Variants in NAXD observed in about 807,000 individuals in gnomAD.
The protein encoded by NAXD is ATP-dependent (S)-NAD(P)H-hydrate dehydratase.
NAXD carries 22 observed loss-of-function variants against 35.8 expected under a neutral mutation model. The observed-to-expected ratio is 0.62, with a 90% confidence interval of 0.44 to 0.88. The LOEUF is 0.88. Ranked by LOEUF, NAXD falls within the 40% of genes least tolerant of loss-of-function variation. The probability of loss-of-function intolerance (pLI) is 0.00; values close to 1 mark genes in which losing one functional copy is unlikely to be tolerated. For missense variants in NAXD, 428 were observed against 437.7 expected, an observed-to-expected ratio of 0.98 and a Z score of 0.20; for synonymous variants, 189 against 177.6, an observed-to-expected ratio of 1.06 and a Z score of -0.51.
At chr13:110,627,028 G>A (rs146560071) in intron 4 of NAXD, among the ~76,000 whole-genome samples, 8 of 152,266 alleles carry the variant, frequency 5.3e-5, no homozygotes, top group East Asian at 1.9e-4. Context: ...CTAACTTGTC[G>A]TAACTGTTGA....
intron 1 of NAXD, among the ~76,000 whole-genome samples, chr13:110,617,299 A>G (rs926627184): frequency 6.6e-6 from 1 of 152,232 alleles, no homozygotes; most frequent in African/African-American, 2.4e-5. Flanking sequence ...TCTTCCCCAG[A>G]CACGCTTCCT....
rs1344862485 is a variant in NAXD, at chr13:110,624,288, A to G, written c.243+9A>G. Reference sequence around the variant, plus strand: ...TCTCAGCTCTCAAAGTGGTATGTTTACTTAAAATTTCTTTATTGGGATTTT... The same window carrying G: ...TCTCAGCTCTCAAAGTGGTATGTTTGCTTAAAATTTCTTTATTGGGATTTT... On this transcript the variant is annotated intron_variant, in intron 3 of 9. Transcript: ENST00000680254. The G allele has an allele frequency of 6.3e-7, 1 of 1,576,384 alleles. No individual in the cohort carries two copies. Among genetic ancestry groups the G allele is most frequent in the Non-Finnish European group, 8.7e-7 (1 of 1,147,448 alleles).
rs550431558 is a variant in NAXD, at chr13:110,638,514, C to T, written c.976C>T (p.Leu326Phe). 1 of 1,612,514 alleles carries T rather than the reference C, an allele frequency of 6.2e-7. No individual in the cohort carries two copies. The highest frequency in any genetic ancestry group is 8.5e-7 in the Non-Finnish European group (1 of 1,179,656). ...CGAGGTGGGGGCCGCCTTCAGCAAG[C>T]TCTTTGAAACCTGAGCCCGCGCAGA... ...IAEVGAAFSK[L>F]FET The change falls in exon 10 of 10, where the codon CTC (leucine) becomes TTC (phenylalanine). Residue 326 changes from leucine (L) to phenylalanine (F), a missense_variant. By Grantham distance (22) the Leu-to-Phe change is conservative. Coordinates refer to ENST00000680254, the MANE Select transcript of NAXD (RefSeq NM_001242882.2). This position sits in a 1 kb window ranked among gnomAD's most constrained non-coding sequence, Gnocchi z 5.4.
chr13:110,629,536 TC>T (rs1399393843), intron 5 of NAXD, among the ~76,000 whole-genome samples: 1 of 152,240 alleles, frequency 6.6e-6, no homozygotes, highest in Non-Finnish European at 1.5e-5. Context: ...ATTCGCCTGT[TC>T]AGGACATTTC....
chr13:110,639,051 G>C lies in NAXD; in HGVS notation c.*523G>C, dbSNP rs116094882. The C allele has an allele frequency of 3.7e-6, 1 of 270,294 alleles. No homozygotes were observed. The highest frequency in any genetic ancestry group is 2.2e-5 in the African/African-American group (1 of 45,248). The allele number at this position is 270,294 out of a possible 1,614,324, so 16.7% of individuals were successfully genotyped here. On this transcript the variant is annotated 3_prime_UTR_variant, in exon 10 of 10. Coordinates refer to ENST00000680254, the MANE Select transcript of NAXD (RefSeq NM_001242882.2). Reference sequence around the variant, plus strand: ...TCTCCAGCTCATCTTCTTTTAAAGTGGTGACTAGCTTGGTGGTATCTGGCT... The same window carrying C: ...TCTCCAGCTCATCTTCTTTTAAAGTCGTGACTAGCTTGGTGGTATCTGGCT...
intron 1 of NAXD, chr13:110,615,852 G>A: frequency 8.4e-7 from 1 of 1,194,370 alleles, no homozygotes; most frequent in Non-Finnish European, 1.1e-6. Flanking sequence ...CGGGGCCGGG[G>A]CGCCGTGTGG....
chr13:110,620,240 A>G lies in NAXD; in HGVS notation c.47-1976A>G, dbSNP rs542306689. Among the ~76,000 whole-genome samples the G allele has an allele frequency of 1.7e-4, 26 of 152,086 alleles. No individual in the cohort carries two copies. In the South Asian group the frequency reaches 5.4e-3, roughly 32 times the overall value. On this transcript the variant is annotated intron_variant, in intron 1 of 9. Transcript: ENST00000680254. ...TGTCTCTCCTTGGCCCACAGTTTAT[A>G]GTGATTCTGTGCCGGGTCTTGTGTG... is the stretch of plus-strand genomic sequence containing the variant.
At chr13:110,618,935 G>C (rs942102241) in intron 1 of NAXD, among the ~76,000 whole-genome samples, 1 of 152,320 alleles carries the variant, frequency 6.6e-6, no homozygotes, top group East Asian at 1.9e-4. Context: ...GAGCAGATGC[G>C]GAGAGGACAA....
At chr13:110,632,644 C>T (rs1428928591) in intron 5 of NAXD, among the ~76,000 whole-genome samples, 14 of 152,204 alleles carry the variant, frequency 9.2e-5, no homozygotes, top group South Asian at 6.3e-4. Context: ...TACAGAGTGT[C>T]GATAGGTGCA....
chr13:110,617,751 T>C (rs1263576393), intron 1 of NAXD, among the ~76,000 whole-genome samples: 1 of 152,246 alleles, frequency 6.6e-6, no homozygotes, highest in Non-Finnish European at 1.5e-5. Flanking sequence ...AATAGTGTCT[T>C]GTGGCCTGGC....
chr13:110,628,137 A>G lies in NAXD; in HGVS notation c.441+590A>G, dbSNP rs1886566320. On this transcript the variant is annotated intron_variant, in intron 5 of 9. Coordinates refer to ENST00000680254, the MANE Select transcript of NAXD (RefSeq NM_001242882.2). This position sits in a 1 kb window ranked among gnomAD's most constrained non-coding sequence, Gnocchi z 4.1. ...CACTTTGTGCCTGCTGTAAATAAATACCACCTGGGATCAGGGGCGATAAAA... is the reference window on the plus strand; with the variant it reads ...CACTTTGTGCCTGCTGTAAATAAATGCCACCTGGGATCAGGGGCGATAAAA... Among the ~76,000 whole-genome samples, 1 of 152,228 alleles carries G rather than the reference A, an allele frequency of 6.6e-6. No individual in the cohort carries two copies. Among genetic ancestry groups the G allele is most frequent in the African/African-American group, 2.4e-5 (1 of 41,464 alleles).
At chr13:110,631,328 TC>T (rs1312076581) in intron 5 of NAXD, among the ~76,000 whole-genome samples, 6 of 152,268 alleles carry the variant, frequency 3.9e-5, no homozygotes, top group African/African-American at 9.6e-5. Context: ...TTCAGCTTTT[TC>T]TTCATGTTAA....
At chr13:110,629,161 T>TG in intron 5 of NAXD, among the ~76,000 whole-genome samples, 1 of 149,114 alleles carries the variant, frequency 6.7e-6, no homozygotes, top group African/African-American at 2.4e-5. Context: ...GGTCATCATC[T>TG]GGTGTAGGCC....
rs1264555940 is a variant in NAXD, at chr13:110,639,609, G to C, written c.*1081G>C. The C allele has an allele frequency of 6.6e-6, 1 of 152,214 alleles. No homozygotes were observed. The highest frequency in any genetic ancestry group is 2.4e-5 in the African/African-American group (1 of 41,430). The allele number at this position is 152,214 out of a possible 1,614,324, so 9.4% of individuals were successfully genotyped here. On this transcript the variant is annotated 3_prime_UTR_variant, in exon 10 of 10. Transcript: ENST00000680254. ...TTTCCTGGAGCGGCCTGACGTTGACGTGTTCTCTGGTCCCATGTCTTAGCG... is the reference window on the plus strand; with the variant it reads ...TTTCCTGGAGCGGCCTGACGTTGACCTGTTCTCTGGTCCCATGTCTTAGCG...
intron 4 of NAXD, 102 bp from the exon 5 acceptor site, chr13:110,627,337 T>A: frequency 1.4e-6 from 1 of 723,250 alleles, no homozygotes; most frequent in Non-Finnish European, 2.3e-6. Flanking sequence ...AAGTCATTAC[T>A]ATTTATAAGT....
chr13:110,620,437 G>C (rs1262387102), intron 1 of NAXD, among the ~76,000 whole-genome samples: 1 of 151,976 alleles, frequency 6.6e-6, no homozygotes, highest in East Asian at 1.9e-4. Context: ...AAAATTAGCT[G>C]GGCGTGGTGG....
chr13:110,619,341 T>C (rs548470694), intron 1 of NAXD, among the ~76,000 whole-genome samples: 3 of 152,356 alleles, frequency 2.0e-5, no homozygotes, highest in African/African-American at 2.4e-5. Flanking sequence ...CTGGAAAATA[T>C]ACAGTATTAT....
chr13:110,635,613 A>G (rs1482562322), intron 8 of NAXD, 25 bp downstream of exon 8: 3 of 1,612,094 alleles, frequency 1.9e-6, no homozygotes, highest in East Asian at 2.2e-5. Flanking sequence ...CCCTCTGTGC[A>G]TGGGCCAGTG....
Position 110,638,323 on chromosome 13 carries a change from C to A in NAXD, c.840-55C>A, listed in dbSNP as rs766889936. Reference sequence around the variant, plus strand: ...AAACCAGAGCCCAGGGTAGCTGCGGCCCCCGGACCACGACGCCCACTTCCC... The same window carrying A: ...AAACCAGAGCCCAGGGTAGCTGCGGACCCCGGACCACGACGCCCACTTCCC... On this transcript the variant is annotated intron_variant, in intron 9 of 9. Transcript: ENST00000680254. The surrounding 1 kb of genome is among the most constrained non-coding windows in gnomAD (Gnocchi z 5.4). The A allele has an allele frequency of 6.2e-7, 1 of 1,611,434 alleles. No individual in the cohort carries two copies. Among genetic ancestry groups the A allele is most frequent in the Non-Finnish European group, 8.5e-7 (1 of 1,178,666 alleles).
Sources: allele counts gnomAD v4.1 joint callset (sites outside exome capture counted in the v4.1 genomes callset), GRCh38; gene constraint gnomAD v4.1.1; non-coding constraint Gnocchi (gnomAD v3.1); transcripts MANE v1.5; gene names NCBI Gene and HGNC (gene_info 2026-07-23, HGNC 2026-07-21).